The following NT5DC1 variants were observed in gnomAD, a reference collection of about 807,000 sequenced individuals.
NT5DC1 encodes the protein 5'-nucleotidase domain-containing protein 1.
A neutral mutation model predicts 59.4 loss-of-function variants in NT5DC1; 42 were observed. The ratio of observed to expected loss-of-function variants is 0.71; its 90% CI spans 0.55 to 0.92. The LOEUF (loss-of-function observed/expected upper bound fraction) is 0.92, where lower values mean the gene tolerates loss of function less well. NT5DC1 is among the 40% of genes least tolerant of loss of function. The pLI, the probability that NT5DC1 is intolerant of heterozygous loss-of-function variation, is 0.00. For synonymous variants in NT5DC1, 172 were observed against 188.1 expected, an observed-to-expected ratio of 0.91 and a Z score of 0.70; for missense variants, 501 against 537.1, an observed-to-expected ratio of 0.93 and a Z score of 0.66.
chr6:116,195,716 T>C (rs193004070), intron 6 of NT5DC1, among the ~76,000 whole-genome samples: 4 of 152,158 alleles, frequency 2.6e-5, no homozygotes, highest in Non-Finnish European at 2.9e-5. Flanking sequence ...GTTAGCTAAA[T>C]ATATTCATTA....
intron 6 of NT5DC1, among the ~76,000 whole-genome samples, chr6:116,196,244 T>G (rs117227821): frequency 0.04 from 6,012 of 152,152 alleles, 160 homozygotes; most frequent in Non-Finnish European, 0.058. Flanking sequence ...ATTCCATTTT[T>G]TAACTGATAG....
chr6:116,105,191 G>A (rs955696390), intron 1 of NT5DC1, among the ~76,000 whole-genome samples: 2 of 152,028 alleles, frequency 1.3e-5, no homozygotes, highest in African/African-American at 4.8e-5. Flanking sequence ...CTCAGACCCC[G>A]ACACCCCTAC....
At chr6:116,134,372 A>G (rs931879232) in intron 6 of NT5DC1, among the ~76,000 whole-genome samples, 2 of 152,194 alleles carry the variant, frequency 1.3e-5, no homozygotes, top group Non-Finnish European at 2.9e-5. Flanking sequence ...GTGTGAATCT[A>G]TCTTCCAAAT....
chr6:116,114,923 G>A (rs1161902602), intron 4 of NT5DC1, among the ~76,000 whole-genome samples: 6 of 152,146 alleles, frequency 3.9e-5, no homozygotes, highest in Non-Finnish European at 5.9e-5. Context: ...AAAGAGAATC[G>A]ACACAGTTTT....
intron 6 of NT5DC1, chr6:116,137,491 C>G (rs1206435581): frequency 5.1e-6 from 1 of 194,442 alleles, no homozygotes; most frequent in African/African-American, 2.3e-5. Context: ...TTGAGCCTCT[C>G]AGCTGGCAGC....
intron 9 of NT5DC1, chr6:116,237,423 T>C (rs1232397822): frequency 6.3e-6 from 3 of 476,456 alleles, no homozygotes; most frequent in Non-Finnish European, 1.2e-5. Flanking sequence ...TGTTGGACAT[T>C]GGTGCATTTC....
intron 6 of NT5DC1, among the ~76,000 whole-genome samples, chr6:116,149,730 T>G (rs2114392478): frequency 6.6e-6 from 1 of 152,324 alleles, no homozygotes. Context: ...GGGTAGAACT[T>G]TTGAATCTGG....
At chr6:116,118,312 C>T (rs1048167343) in intron 6 of NT5DC1, among the ~76,000 whole-genome samples, 13 of 152,038 alleles carry the variant, frequency 8.6e-5, no homozygotes, top group African/African-American at 2.7e-4. Flanking sequence ...AAATGTCTGC[C>T]GGCAGAAATT....
Position 116,239,086 on chromosome 6 carries a change from C to T in NT5DC1, c.1215C>T (p.Tyr405=). Residue 405 remains tyrosine (Y), a synonymous_variant, in exon 11 of 12, where the codon TAC becomes TAT. Coordinates refer to ENST00000319550, the MANE Select transcript of NT5DC1 (RefSeq NM_152729.3). ...YTWSCKRIST[Y]STIAIPSIEA... The stretch of plus-strand genomic sequence containing the variant: ...GGTCTTGTAAGAGAATCAGTACTTA[C>T]AGCACTATTGCAATTCCAAGTATTG... 6.2e-7 allele frequency: 1 copy of T among 1,612,304 alleles called. No homozygotes were observed. The highest frequency in any genetic ancestry group is 8.5e-7 in the Non-Finnish European group (1 of 1,178,908).
chr6:116,110,476 C>T (rs921167942), intron 3 of NT5DC1, among the ~76,000 whole-genome samples: 3 of 152,186 alleles, frequency 2.0e-5, no homozygotes, highest in Non-Finnish European at 4.4e-5. Context: ...ACCTACTGCT[C>T]TTTCTCCAGT....
At chr6:116,150,537 G>A (rs148230152) in intron 6 of NT5DC1, among the ~76,000 whole-genome samples, 3,967 of 152,190 alleles carry the variant, frequency 0.026, 160 homozygotes, top group African/African-American at 0.09. Context: ...CACCTGCCTC[G>A]GCCTCCCAAA....
intron 5 of NT5DC1, among the ~76,000 whole-genome samples, chr6:116,117,491 T>G (rs1778988118): frequency 6.6e-6 from 1 of 152,162 alleles, no homozygotes; most frequent in Admixed American, 6.5e-5. Flanking sequence ...ATACTATAAA[T>G]CCATTTAATA....
chr6:116,197,880 T>C (rs1781269653), intron 6 of NT5DC1, among the ~76,000 whole-genome samples: 1 of 150,940 alleles, frequency 6.6e-6, no homozygotes, highest in Admixed American at 6.6e-5. Context: ...ATTGACTACT[T>C]TATATACACA....
chr6:116,152,994 A>C (rs1376138589), intron 6 of NT5DC1, among the ~76,000 whole-genome samples: 1 of 152,130 alleles, frequency 6.6e-6, no homozygotes, highest in Non-Finnish European at 1.5e-5. Context: ...TGATTGCTTT[A>C]TACTTTACCA....
At chr6:116,169,872 G>T (rs1780566651) in intron 6 of NT5DC1, among the ~76,000 whole-genome samples, 1 of 152,172 alleles carries the variant, frequency 6.6e-6, no homozygotes. Flanking sequence ...TGATAATCCA[G>T]CATTTATAGT....
At chr6:116,187,445 A>G (rs1213991476) in intron 6 of NT5DC1, among the ~76,000 whole-genome samples, 1 of 152,108 alleles carries the variant, frequency 6.6e-6, no homozygotes, top group Non-Finnish European at 1.5e-5. Flanking sequence ...CTGTCCTACA[A>G]GACACTAGCA....
intron 6 of NT5DC1, chr6:116,118,932 G>T (rs1779023950): frequency 6.6e-6 from 1 of 152,144 alleles, no homozygotes; most frequent in Non-Finnish European, 1.5e-5. Flanking sequence ...TCACTTTATT[G>T]TCCTACTTTT....
chr6:116,206,811 G>C (rs1781461528), intron 6 of NT5DC1, among the ~76,000 whole-genome samples: 1 of 151,940 alleles, frequency 6.6e-6, no homozygotes, highest in Admixed American at 6.6e-5. Context: ...TCGAAGTCTA[G>C]TGCAGTTTCC....
intron 6 of NT5DC1, among the ~76,000 whole-genome samples, chr6:116,154,174 T>G (rs1407157441): frequency 4.6e-5 from 7 of 152,148 alleles, no homozygotes. Flanking sequence ...AGTCTATTGA[T>G]TTTACTTTTG....
Sources: gnomAD v4.1 joint callset for allele counts (sites outside exome capture counted in the v4.1 genomes callset) on GRCh38, gnomAD v4.1.1 for gene constraint, MANE v1.5 for transcripts, NCBI Gene and HGNC (gene_info 2026-07-23, HGNC 2026-07-21) for gene names.